GALNT13: variants seen among roughly 807,000 people sequenced by gnomAD.
GALNT13 encodes UDP-GalNAc:polypeptide N-acetylgalactosaminyltransferase 13.
Under a neutral mutation model 64.2 loss-of-function variants are expected in GALNT13, and 28 were observed. The observed-to-expected ratio is 0.44, with a 90% CI of 0.32 to 0.60. The LOEUF is 0.60. Ranked by LOEUF, GALNT13 falls within the 20% of genes least tolerant of loss-of-function variation. The pLI is 0.05. For synonymous variants in GALNT13, 214 were observed against 224.6 expected, an observed-to-expected ratio of 0.95 and a Z score of 0.42; for missense variants, 577 against 669.8, an observed-to-expected ratio of 0.86 and a Z score of 1.53.
chr2:154,059,712 T>A (rs1363238142), intron 3 of GALNT13, among the ~76,000 whole-genome samples: 1 of 113,150 alleles, frequency 8.8e-6, no homozygotes, highest in Non-Finnish European at 1.9e-5. Context: ...TATATAGTTT[T>A]AAAAATATTT....
chr2:153,257,326 G>A, the GALNT13 span, among the ~76,000 whole-genome samples: 6 of 151,988 alleles, frequency 3.9e-5, no homozygotes, highest in Non-Finnish European at 7.4e-5. Flanking sequence ...CACGGTGCGC[G>A]CACCCACTGA....
chr2:154,121,872 C>T (rs1404279386), intron 3 of GALNT13, among the ~76,000 whole-genome samples: 1 of 152,030 alleles, frequency 6.6e-6, no homozygotes, highest in East Asian at 1.9e-4. Flanking sequence ...GGTCTGAGAT[C>T]CAGTACAATG....
intron 2 of GALNT13, among the ~76,000 whole-genome samples, chr2:153,943,125 A>G (rs1371605269): frequency 6.6e-6 from 1 of 152,186 alleles, no homozygotes; most frequent in Non-Finnish European, 1.5e-5. Flanking sequence ...TTAACCAGGT[A>G]GTTAAACAAA....
At chr2:153,831,821 C>A in the GALNT13 span, among the ~76,000 whole-genome samples, 2 of 152,188 alleles carry the variant, frequency 1.3e-5, no homozygotes, top group South Asian at 2.1e-4. Context: ...GGAAGCATAG[C>A]GTATCTCTTC....
At chr2:154,060,232 C>T (rs769774546) in intron 3 of GALNT13, among the ~76,000 whole-genome samples, 195 of 152,240 alleles carry the variant, frequency 1.3e-3, no homozygotes, top group Non-Finnish European at 2.3e-3. Flanking sequence ...TTTAAGCCAC[C>T]CAGGCTATGC....
the GALNT13 span, among the ~76,000 whole-genome samples, chr2:153,196,847 ACT>A: frequency 6.6e-6 from 1 of 150,510 alleles, no homozygotes; most frequent in African/African-American, 2.4e-5. Flanking sequence ...CCCAGCTCCG[ACT>A]CCTCCATATA....
chr2:154,270,077 T>A (rs911067834), intron 8 of GALNT13, among the ~76,000 whole-genome samples: 3 of 150,986 alleles, frequency 2.0e-5, no homozygotes, highest in Non-Finnish European at 4.4e-5. Context: ...TAGAAAAAAA[T>A]AAGTGAACAA....
chr2:153,562,060 CTGTGTG>C, the GALNT13 span, among the ~76,000 whole-genome samples: 565 of 118,926 alleles, frequency 4.8e-3, 2 homozygotes, highest in African/African-American at 0.015. Context: ...CTCTCTCTCT[CTGTGTG>C]TGTGTGTGTG....
chr2:154,305,362 C>G (rs1246647803), intron 9 of GALNT13, among the ~76,000 whole-genome samples: 1 of 151,702 alleles, frequency 6.6e-6, no homozygotes, highest in Non-Finnish European at 1.5e-5. Context: ...AGAACTATAT[C>G]CTTTACTATA....
intron 3 of GALNT13, among the ~76,000 whole-genome samples, chr2:154,108,554 G>T (rs1223351470): frequency 6.6e-6 from 1 of 151,982 alleles, no homozygotes; most frequent in Non-Finnish European, 1.5e-5. Flanking sequence ...ACTGTTAATT[G>T]TCTTCTATGC....
At chr2:153,676,238 C>T in the GALNT13 span, among the ~76,000 whole-genome samples, 169 of 152,118 alleles carry the variant, frequency 1.1e-3, 1 homozygote, top group East Asian at 7.0e-3. Context: ...ATGAACGTCT[C>T]TATGCATACA....
chr2:153,321,064 T>C, the GALNT13 span, among the ~76,000 whole-genome samples: 4 of 152,190 alleles, frequency 2.6e-5, no homozygotes, highest in Admixed American at 2.6e-4. Context: ...GAGAACAGGA[T>C]ATAAGTACTA....
At chr2:153,987,213 G>T (rs78197130) in intron 3 of GALNT13, among the ~76,000 whole-genome samples, 2,945 of 152,088 alleles carry the variant, frequency 0.019, 55 homozygotes, top group Middle Eastern at 0.034. Flanking sequence ...TTTAAATGCT[G>T]ATTTCATTTA....
chr2:154,265,082 A>T (rs915802113), intron 8 of GALNT13, among the ~76,000 whole-genome samples: 2 of 151,758 alleles, frequency 1.3e-5, no homozygotes, highest in Admixed American at 1.3e-4. Flanking sequence ...AGATGACACA[A>T]ATTATCAATT....
chr2:153,794,745 T>C, the GALNT13 span, among the ~76,000 whole-genome samples: 2 of 152,128 alleles, frequency 1.3e-5, no homozygotes, highest in Non-Finnish European at 2.9e-5. Context: ...AGTCTCGAAC[T>C]CCTGACATCG....
At chr2:153,211,085 G>A in the GALNT13 span, among the ~76,000 whole-genome samples, 11 of 151,936 alleles carry the variant, frequency 7.2e-5, no homozygotes, top group African/African-American at 2.7e-4. Context: ...AAATTTTAGA[G>A]ATAAGAAATA....
chr2:153,765,488 G>A, the GALNT13 span, among the ~76,000 whole-genome samples: 1 of 152,286 alleles, frequency 6.6e-6, no homozygotes, highest in African/African-American at 2.4e-5. Flanking sequence ...ATTACCCAAT[G>A]CCTGTACCCC....
the GALNT13 span, among the ~76,000 whole-genome samples, chr2:153,278,086 C>G: frequency 6.6e-6 from 1 of 151,278 alleles, no homozygotes; most frequent in Non-Finnish European, 1.5e-5. Context: ...GCCACCACTC[C>G]CAGCTAATTT....
chr2:153,069,355 C>T, the GALNT13 span, among the ~76,000 whole-genome samples: 662 of 152,206 alleles, frequency 4.3e-3, 13 homozygotes, highest in Admixed American at 0.038. Flanking sequence ...AAGGTCCTCT[C>T]GCACGCCATC....
Sources: gnomAD v4.1 joint callset for allele counts (sites outside exome capture counted in the v4.1 genomes callset) on GRCh38, gnomAD v4.1.1 for gene constraint, MANE v1.5 for transcripts, NCBI Gene and HGNC (gene_info 2026-07-23, HGNC 2026-07-21) for gene names.